Variants in CDC42 observed in about 807,000 individuals in gnomAD.
CDC42 encodes cell division cycle 42.
CDC42 carries 1 observed loss-of-function variant against 20.8 expected under a neutral mutation model. That is an observed-to-expected ratio of 0.05 (90% CI 0.02 to 0.23). The LOEUF is 0.23. Ranked by LOEUF, CDC42 falls within the 10% of genes least tolerant of loss-of-function variation. The pLI is 1.00. For missense variants in CDC42, 49 were observed against 227.9 expected (o/e 0.21, Z 5.05); for synonymous variants, 72 against 84.8 (o/e 0.85, Z 0.83).
chr1:22,063,828 C>A (rs942761225), intron 1 of CDC42, among the ~76,000 whole-genome samples: 3 of 152,064 alleles, frequency 2.0e-5, no homozygotes, highest in African/African-American at 7.2e-5. Context: ...TCAAGTGATT[C>A]TTGTGCCTCA....
In CDC42 at chr1:22,096,918, A is replaced by G. The variant is rs752644710; in HGVS notation, c.*5401A>G. On this transcript the variant is annotated 3_prime_UTR_variant, in exon 6 of 6. Coordinates refer to ENST00000656825, the MANE Select transcript of CDC42 (RefSeq NM_001791.4). ...ATGTGGTACCCTTGTGCAGTGCACA[A>G]CTTGGACAGTTCATACACAATGTTG... 1.1e-4 allele frequency among the ~76,000 whole-genome samples: 16 copies of G among 152,260 alleles called. No individual in the cohort carries two copies. Among genetic ancestry groups the G allele is most frequent in the Admixed American group, 4.6e-4 (7 of 15,282 alleles).
intron 3 of CDC42, among the ~76,000 whole-genome samples, chr1:22,083,563 C>T (rs1163732241): frequency 6.6e-6 from 1 of 151,936 alleles, no homozygotes; most frequent in Non-Finnish European, 1.5e-5. Flanking sequence ...CGAGATTCTG[C>T]CACTGCCCTC....
intron 3 of CDC42, among the ~76,000 whole-genome samples, chr1:22,085,038 C>T (rs1417305409): frequency 6.6e-6 from 1 of 151,954 alleles, no homozygotes; most frequent in Admixed American, 6.6e-5. Context: ...TTAAGACCAG[C>T]CTGGCCAACA....
intron 5 of CDC42, chr1:22,090,302 A>G (rs1345435199): frequency 8.9e-7 from 1 of 1,127,604 alleles, no homozygotes; most frequent in Non-Finnish European, 1.1e-6. Context: ...CTATTGCAAA[A>G]GGGAACTTGG....
Position 22,094,308 on chromosome 1 carries a change from T to TAAAAGAACAATTGTAATA in CDC42, c.*2791_*2792insAAAAGAACAATTGTAATA, listed in dbSNP as rs1364414503. ...CCTAGAAATAGATTTTTTTTTTTTT[T>TAAAAGAACAATTGTAATA]TTTTTTTGAGACGGAGTCTCGCTCT... On this transcript the variant is annotated 3_prime_UTR_variant, in exon 6 of 6. Coordinates refer to ENST00000656825, the MANE Select transcript of CDC42 (RefSeq NM_001791.4). Among the ~76,000 whole-genome samples, 42 of 63,216 alleles carry TAAAAGAACAATTGTAATA rather than the reference T, an allele frequency of 6.6e-4. 5 individuals carry two copies. Among genetic ancestry groups the TAAAAGAACAATTGTAATA allele is most frequent in the African/African-American group, 2.3e-3 (36 of 15,352 alleles). 41.5% of individuals were successfully genotyped at this position (63,216 alleles called of 152,430 possible).
chr1:22,076,104 T>A lies in CDC42; in HGVS notation c.-50-2325T>A, dbSNP rs993381407. ...TACTTGTCATTCCACTAGCACTGAT[T>A]ATATTTGTTTTTATTAATGTCACTT... On this transcript the variant is annotated intron_variant, in intron 1 of 5. Transcript: ENST00000656825. 8.5e-5 allele frequency among the ~76,000 whole-genome samples: 13 copies of A among 152,140 alleles called. 1 individual carries two copies. The highest frequency in any genetic ancestry group is 1.9e-4 in the African/African-American group (8 of 41,438).
chr1:22,055,194 C>T (rs946126642), intron 1 of CDC42, among the ~76,000 whole-genome samples: 5 of 151,190 alleles, frequency 3.3e-5, no homozygotes, highest in Non-Finnish European at 7.4e-5. Context: ...ACCTCGTGAT[C>T]CGCCCGCCTC....
At chr1:22,056,124 C>T (rs1202241111) in intron 1 of CDC42, among the ~76,000 whole-genome samples, 1 of 152,134 alleles carries the variant, frequency 6.6e-6, no homozygotes, top group Non-Finnish European at 1.5e-5. Flanking sequence ...ATTGCTAATG[C>T]CTAGAATACT....
Position 22,086,668 on chromosome 1 carries a change from G to A in CDC42, c.289-1G>A, listed in dbSNP as rs772519448. On this transcript the variant is annotated splice_acceptor_variant, in intron 4 of 5. Coordinates refer to ENST00000656825, the MANE Select transcript of CDC42 (RefSeq NM_001791.4). LOFTEE classifies it high-confidence loss of function. ...GTGTATTTTAAAATACCTTTTTTTA[G>A]TGGGTGCCTGAGATAACTCACCACT... is the stretch of plus-strand genomic sequence containing the variant. 6.2e-7 allele frequency: 1 copy of A among 1,612,686 alleles called. No individual in the cohort carries two copies. The highest frequency in any genetic ancestry group is 1.1e-5 in the South Asian group (1 of 90,946).
At chr1:22,072,412 A>G (rs34896897) in intron 1 of CDC42, among the ~76,000 whole-genome samples, 18,848 of 151,894 alleles carry the variant, frequency 0.12, 1,291 homozygotes, top group Admixed American at 0.18. Flanking sequence ...ACTTACCTTT[A>G]TGCCTTTGTC....
rs370851792 is a variant in CDC42, at chr1:22,081,487, C to T, written c.106-235C>T. 2.6e-5 allele frequency among the ~76,000 whole-genome samples: 4 copies of T among 152,334 alleles called. No homozygotes were observed. The East Asian group carries it at 7.7e-4, about 29-fold the overall frequency. On this transcript the variant is annotated intron_variant, in intron 2 of 5. Coordinates refer to ENST00000656825, the MANE Select transcript of CDC42 (RefSeq NM_001791.4). The stretch of plus-strand genomic sequence containing the variant: ...TGACACCTCTAAACCTTCTCTGGCT[C>T]TTTATCCAGGCTGCTGGGGTAGAGC...
rs1369197074 is a variant in CDC42, at chr1:22,093,331, C to T, written c.*1814C>T. Among the ~76,000 whole-genome samples the T allele has an allele frequency of 6.6e-6, 1 of 152,190 alleles. No homozygotes were observed. The highest frequency in any genetic ancestry group is 1.5e-5 in the Non-Finnish European group (1 of 68,016). On this transcript the variant is annotated 3_prime_UTR_variant, in exon 6 of 6. Transcript: ENST00000656825. ...TTCTCCAACTGGAGTGCAGCTTGAA[C>T]AATGTGATTTTTAAGTTTTCCAGGC...
chr1:22,087,863 A>G (rs1645676453), intron 5 of CDC42, among the ~76,000 whole-genome samples: 1 of 152,218 alleles, frequency 6.6e-6, no homozygotes, highest in South Asian at 2.1e-4. Flanking sequence ...TACTTATTAC[A>G]TATGCACTAG....
chr1:22,063,106 TTTTG>T (rs761039506), intron 1 of CDC42, among the ~76,000 whole-genome samples: 7 of 152,180 alleles, frequency 4.6e-5, no homozygotes, highest in East Asian at 1.9e-4. Flanking sequence ...CATAGTTTTT[TTTTG>T]TTTGTTTCTT....
chr1:22,080,189 A>C (rs577341462), intron 2 of CDC42, among the ~76,000 whole-genome samples: 19 of 152,360 alleles, frequency 1.2e-4, no homozygotes, highest in African/African-American at 4.3e-4. Context: ...TTAGAAGTCT[A>C]AGTTTAATTA....
At chr1:22,072,291 G>T (rs1380353237) in intron 1 of CDC42, among the ~76,000 whole-genome samples, 2 of 151,706 alleles carry the variant, frequency 1.3e-5, no homozygotes, top group East Asian at 3.9e-4. Context: ...TAGAGTCGGG[G>T]TTTCGCCATG....
At chr1:22,084,746 C>G (rs1363848824) in intron 3 of CDC42, among the ~76,000 whole-genome samples, 1 of 151,934 alleles carries the variant, frequency 6.6e-6, no homozygotes, top group Non-Finnish European at 1.5e-5. Context: ...GAATCTTTTG[C>G]CCTATGTTTT....
chr1:22,096,302 GT>G lies in CDC42; in HGVS notation c.*4792del, dbSNP rs5772986. On this transcript the variant is annotated 3_prime_UTR_variant, in exon 6 of 6. Coordinates refer to ENST00000656825, the MANE Select transcript of CDC42 (RefSeq NM_001791.4). The stretch of plus-strand genomic sequence containing the variant: ...GTGAATTAGTAAATTCAACAAATAG[GT>G]TTTTTTAAAGCAATTAAGGCACTGA... Among the ~76,000 whole-genome samples, 142,497 of 152,116 alleles carry G rather than the reference GT, an allele frequency of 0.94. 66,884 individuals carry two copies. The highest frequency in any genetic ancestry group is 1 in the East Asian group (5,165 of 5,168).
Position 22,098,252 on chromosome 1 carries a change from A to G in CDC42, c.*6735A>G, listed in dbSNP as rs1250012836. ...AGGTAGCTTCCACTTTTCTGGCCTC[A>G]TTATCTGTAAAATTGCATACTTAGT... is the stretch of plus-strand genomic sequence containing the variant. On this transcript the variant is annotated 3_prime_UTR_variant, in exon 6 of 6. Transcript: ENST00000656825. Among the ~76,000 whole-genome samples, 2 of 152,030 alleles carry G rather than the reference A, an allele frequency of 1.3e-5. No individual in the cohort carries two copies. The highest frequency in any genetic ancestry group is 2.9e-5 in the Non-Finnish European group (2 of 68,014).
Sources: allele counts gnomAD v4.1 joint callset (sites outside exome capture counted in the v4.1 genomes callset), GRCh38; gene constraint gnomAD v4.1.1; transcripts MANE v1.5; gene names NCBI Gene and HGNC (gene_info 2026-07-23, HGNC 2026-07-21).